The following EIF2B3 variants were observed in gnomAD, a reference collection of about 807,000 sequenced individuals.
The protein encoded by EIF2B3 is translation initiation factor eIF2B subunit gamma.
Under a neutral mutation model 54.1 loss-of-function variants are expected in EIF2B3, and 20 were observed. That is an observed-to-expected ratio of 0.37 (90% CI 0.26 to 0.54). EIF2B3 has a LOEUF of 0.54. EIF2B3 is among the 20% of genes least tolerant of loss of function. The pLI is 0.86. For missense variants in EIF2B3, 448 were observed against 547.8 expected (o/e 0.82, Z 1.82); for synonymous variants, 153 against 188.1 (o/e 0.81, Z 1.52).
At chr1:44,960,405 C>T (rs1417095281) in intron 3 of EIF2B3, among the ~76,000 whole-genome samples, 5 of 151,968 alleles carry the variant, frequency 3.3e-5, no homozygotes, top group East Asian at 1.9e-4. Flanking sequence ...TTTGGGAGGC[C>T]GAGGCAGGCG....
At chr1:44,884,698 C>T (rs1655519859) in intron 6 of EIF2B3, among the ~76,000 whole-genome samples, 1 of 152,200 alleles carries the variant, frequency 6.6e-6, no homozygotes, top group Admixed American at 6.5e-5. Flanking sequence ...AAATGTTCCT[C>T]CTCCATTGGA....
intron 5 of EIF2B3, among the ~76,000 whole-genome samples, chr1:44,907,519 T>C (rs1046791427): frequency 1.3e-5 from 2 of 152,098 alleles, no homozygotes; most frequent in African/African-American, 4.8e-5. Context: ...GATCGTGCCA[T>C]TGCACTCCAG....
intron 3 of EIF2B3, among the ~76,000 whole-genome samples, chr1:44,972,296 T>C (rs763771375): frequency 4.5e-4 from 59 of 131,772 alleles, no homozygotes; most frequent in East Asian, 9.3e-4. Flanking sequence ...CACATGTATA[T>C]ACACACACAC....
intron 5 of EIF2B3, among the ~76,000 whole-genome samples, chr1:44,911,443 T>C (rs183565998): frequency 5.3e-4 from 81 of 152,280 alleles, no homozygotes; most frequent in Middle Eastern, 3.4e-3. Context: ...TTGACATCTA[T>C]GAAGGAAAAA....
intron 3 of EIF2B3, among the ~76,000 whole-genome samples, chr1:44,944,600 C>T (rs1370673359): frequency 6.6e-6 from 1 of 152,078 alleles, no homozygotes; most frequent in Non-Finnish European, 1.5e-5. Flanking sequence ...TGAGGCCAGC[C>T]TGAACAACAC....
intron 11 of EIF2B3, among the ~76,000 whole-genome samples, chr1:44,857,006 T>C (rs1444044838): frequency 6.6e-6 from 1 of 152,024 alleles, no homozygotes; most frequent in African/African-American, 2.4e-5. Context: ...GTTCCTGCTA[T>C]GTTGTCTAGG....
At chr1:44,869,554 C>T in intron 10 of EIF2B3, among the ~76,000 whole-genome samples, 1 of 149,052 alleles carries the variant, frequency 6.7e-6, no homozygotes, top group South Asian at 2.1e-4. Context: ...GTTTTACCCC[C>T]ATTTTATAAT....
chr1:44,903,926 A>C (rs1344762183), intron 5 of EIF2B3, among the ~76,000 whole-genome samples: 5 of 152,148 alleles, frequency 3.3e-5, no homozygotes, highest in Non-Finnish European at 7.3e-5. Context: ...CTACAAAAAA[A>C]ATTAGCCAGG....
chr1:44,948,376 C>T (rs952605932), intron 3 of EIF2B3, among the ~76,000 whole-genome samples: 5 of 152,122 alleles, frequency 3.3e-5, no homozygotes, highest in Non-Finnish European at 7.4e-5. Flanking sequence ...TAGTTCAGGT[C>T]TCAAAATCTT....
chr1:44,879,016 C>T (rs181725226), intron 8 of EIF2B3, among the ~76,000 whole-genome samples: 3 of 152,252 alleles, frequency 2.0e-5, no homozygotes, highest in East Asian at 3.9e-4. Flanking sequence ...CTGCCTCGGC[C>T]TCCCAAATTG....
At chr1:44,977,339 C>T (rs913333931) in intron 3 of EIF2B3, among the ~76,000 whole-genome samples, 2 of 152,054 alleles carry the variant, frequency 1.3e-5, no homozygotes, top group East Asian at 1.9e-4. Flanking sequence ...AATTTTTGAA[C>T]GTTCCTTTGT....
At chr1:44,903,131 A>G (rs866186809) in intron 5 of EIF2B3, among the ~76,000 whole-genome samples, 7 of 152,174 alleles carry the variant, frequency 4.6e-5, no homozygotes, top group African/African-American at 1.7e-4. Context: ...GCTGAACACA[A>G]AGATATATGT....
chr1:44,974,342 G>A (rs1161530505), intron 3 of EIF2B3, among the ~76,000 whole-genome samples: 1 of 151,666 alleles, frequency 6.6e-6, no homozygotes, highest in Non-Finnish European at 1.5e-5. Flanking sequence ...GTGTGGTGGT[G>A]CATGCCTGTA....
intron 8 of EIF2B3, among the ~76,000 whole-genome samples, chr1:44,878,656 C>T (rs1222230641): frequency 6.6e-6 from 1 of 152,132 alleles, no homozygotes; most frequent in Non-Finnish European, 1.5e-5. Flanking sequence ...AGGGTTCTAC[C>T]AGGAGCAATG....
At chr1:44,904,859 C>T (rs1643384829) in intron 5 of EIF2B3, among the ~76,000 whole-genome samples, 1 of 152,138 alleles carries the variant, frequency 6.6e-6, no homozygotes, top group African/African-American at 2.4e-5. Flanking sequence ...CATCTTCTCT[C>T]CCGCTAAAAG....
intron 6 of EIF2B3, among the ~76,000 whole-genome samples, chr1:44,893,513 T>A (rs1420235982): frequency 1.3e-5 from 2 of 152,200 alleles, no homozygotes; most frequent in Admixed American, 6.5e-5. Context: ...TGTGGCTGCA[T>A]GATATTGAGC....
At chr1:44,926,576 A>G in intron 5 of EIF2B3, 52 bp downstream of exon 5, 1 of 1,477,108 alleles carries the variant, frequency 6.8e-7, no homozygotes, top group Non-Finnish European at 9.5e-7. Flanking sequence ...GGGTGGTTTT[A>G]TTTTGTTTTA....
chr1:44,879,325 A>G (rs1047637739), intron 8 of EIF2B3, among the ~76,000 whole-genome samples: 2 of 152,174 alleles, frequency 1.3e-5, no homozygotes, highest in Non-Finnish European at 2.9e-5. Flanking sequence ...GGCTAGCAAG[A>G]GACTCCTCAT....
chr1:44,872,787 AT>A (rs2148900285), intron 10 of EIF2B3, among the ~76,000 whole-genome samples: 1 of 152,224 alleles, frequency 6.6e-6, no homozygotes, highest in South Asian at 2.1e-4. Context: ...GACCTTACAG[AT>A]CTCTACCATA....
Sources: allele counts gnomAD v4.1 joint callset (sites outside exome capture counted in the v4.1 genomes callset), GRCh38; gene constraint gnomAD v4.1.1; transcripts MANE v1.5; gene names NCBI Gene and HGNC (gene_info 2026-07-23, HGNC 2026-07-21).